Variants in FRMPD4 observed in about 807,000 individuals in gnomAD.
The protein encoded by FRMPD4 is FERM and PDZ domain containing 4.
In FRMPD4, 22 loss-of-function variants were observed where a neutral mutation model predicts 94.1. The observed-to-expected ratio is 0.23, with a 90% CI of 0.17 to 0.33. The LOEUF (loss-of-function observed/expected upper bound fraction) is 0.33, where lower values mean the gene tolerates loss of function less well. Ranked by LOEUF, FRMPD4 falls within the 10% of genes least tolerant of loss-of-function variation. FRMPD4 has a pLI of 1.00. For synonymous variants in FRMPD4, 631 were observed against 548.6 expected (o/e 1.15, Z -2.10); for missense variants, 1,111 against 1,339.9 (o/e 0.83, Z 2.67).
chrX:12,146,347 A>G (rs1183357711), intron 1 of FRMPD4, among the ~76,000 whole-genome samples: 2 of 105,229 alleles, frequency 1.9e-5, no homozygotes, highest in East Asian at 6.7e-4. Context: ...CCTGGGCAAC[A>G]GAACGAGACT....
chrX:11,996,704 G>A (rs913090900), intron 3 of FRMPD4, among the ~76,000 whole-genome samples: 1 of 111,859 alleles, frequency 8.9e-6, no homozygotes, highest in Non-Finnish European at 1.9e-5. Context: ...TTAATCATAG[G>A]TTATCAAGCA....
chrX:12,455,252 T>G (rs912827306), intron 1 of FRMPD4, among the ~76,000 whole-genome samples: 2 of 111,766 alleles, frequency 1.8e-5, no homozygotes, highest in South Asian at 7.5e-4. Context: ...CTGACAGGGT[T>G]AGACACGTTT....
rs190846886 is a variant in FRMPD4 at position 12,698,700 on chromosome X, C to T, written c.934-3174C>T. Among the ~76,000 whole-genome samples the T allele has an allele frequency of 2.6e-3, 288 of 110,632 alleles. 2 individuals are homozygous for T. Among genetic ancestry groups the T allele is most frequent in the African/African-American group, 8.9e-3 (270 of 30,369 alleles). On this transcript the variant is annotated intron_variant, in intron 9 of 16. Coordinates refer to ENST00000675598, the MANE Select transcript of FRMPD4 (RefSeq NM_001368397.1). Reference sequence around the variant, plus strand: ...CTAATTATATCATGTAATTAATCACCTTGTCAAAAAATTCATCCAGAAGCC... The same window carrying T: ...CTAATTATATCATGTAATTAATCACTTTGTCAAAAAATTCATCCAGAAGCC...
At chrX:12,159,794 T>G (rs771919648) in intron 1 of FRMPD4, among the ~76,000 whole-genome samples, 4 of 112,016 alleles carry the variant, frequency 3.6e-5, no homozygotes, top group Non-Finnish European at 7.5e-5. Flanking sequence ...GTGACACATG[T>G]TTAAAAGATA....
chrX:12,258,925 G>A (rs2054152182), intron 1 of FRMPD4, among the ~76,000 whole-genome samples: 1 of 111,263 alleles, frequency 9.0e-6, no homozygotes, highest in African/African-American at 3.3e-5. Flanking sequence ...CTATCTAAGT[G>A]TATTTTTATA....
At chrX:12,079,715 G>A (rs1466933582) in intron 3 of FRMPD4, among the ~76,000 whole-genome samples, 1 of 112,048 alleles carries the variant, frequency 8.9e-6, no homozygotes, top group East Asian at 2.8e-4. Context: ...GGTCCTGCCA[G>A]TGCTATACTC....
intron 1 of FRMPD4, among the ~76,000 whole-genome samples, chrX:12,348,489 A>C (rs2055749596): frequency 9.1e-6 from 1 of 109,603 alleles, no homozygotes; most frequent in East Asian, 2.9e-4. Context: ...AATACACAGG[A>C]GGACCCAGGT....
chrX:12,151,621 T>C (rs2055852504), intron 1 of FRMPD4, among the ~76,000 whole-genome samples: 2 of 112,241 alleles, frequency 1.8e-5, no homozygotes, highest in Admixed American at 1.9e-4. Flanking sequence ...TGAAATTCTA[T>C]CAGCAATGAG....
chrX:12,479,413 T>TACATATATACACATATATAC (rs1248062688), intron 1 of FRMPD4, among the ~76,000 whole-genome samples: 5 of 69,391 alleles, frequency 7.2e-5, no homozygotes, highest in Non-Finnish European at 1.5e-4. Context: ...CACATATATA[T>TACATATATACACATATATAC]ACATATATAC....
chrX:12,330,024 G>A (rs777711358), intron 1 of FRMPD4, among the ~76,000 whole-genome samples: 1 of 111,376 alleles, frequency 9.0e-6, no homozygotes, highest in African/African-American at 3.3e-5. Context: ...TTTGTAAAAT[G>A]AGGATAATTA....
chrX:12,331,139 A>G (rs2055365215), intron 1 of FRMPD4, among the ~76,000 whole-genome samples: 1 of 110,448 alleles, frequency 9.1e-6, no homozygotes, highest in Admixed American at 9.7e-5. Flanking sequence ...TTGGCCCTCA[A>G]GCTACAGTTT....
At chrX:11,916,911 A>C (rs144996809) in intron 3 of FRMPD4, among the ~76,000 whole-genome samples, 1,522 of 110,969 alleles carry the variant, frequency 0.014, 10 homozygotes, top group Middle Eastern at 0.042. Context: ...AGCCTCCCTC[A>C]CACATAAGGC....
chrX:12,578,327 A>T (rs1159299038), intron 2 of FRMPD4, among the ~76,000 whole-genome samples: 1 of 112,218 alleles, frequency 8.9e-6, no homozygotes, highest in Non-Finnish European at 1.9e-5. Context: ...ATCAGATTGC[A>T]GTGAGATCTT....
At chrX:12,111,744 C>A (rs1463951651) in intron 3 of FRMPD4, among the ~76,000 whole-genome samples, 2 of 111,567 alleles carry the variant, frequency 1.8e-5, no homozygotes, top group African/African-American at 3.3e-5. Context: ...ACCCCATCAA[C>A]AAGTGGGCGA....
At chrX:12,379,896 A>C (rs1211597953) in intron 1 of FRMPD4, among the ~76,000 whole-genome samples, 1 of 111,334 alleles carries the variant, frequency 9.0e-6, no homozygotes, top group African/African-American at 3.3e-5. Context: ...ATGAGTGTAG[A>C]TTGACACGTA....
At chrX:11,900,825 G>A (rs1277510979) in intron 3 of FRMPD4, among the ~76,000 whole-genome samples, 1 of 110,923 alleles carries the variant, frequency 9.0e-6, no homozygotes, top group African/African-American at 3.3e-5. Context: ...GAGAAAGGGG[G>A]TTTCTTTAAC....
At chrX:12,475,973 C>T (rs1025932091) in intron 1 of FRMPD4, among the ~76,000 whole-genome samples, 3 of 111,549 alleles carry the variant, frequency 2.7e-5, no homozygotes, top group Non-Finnish European at 5.7e-5. Context: ...CTTTAAAGTT[C>T]GTATGGAACC....
At chrX:12,638,070 G>A (rs1021182272) in intron 4 of FRMPD4, among the ~76,000 whole-genome samples, 2 of 111,427 alleles carry the variant, frequency 1.8e-5, no homozygotes, top group Admixed American at 1.9e-4. Flanking sequence ...TTTAACGTGA[G>A]CACATACTCT....
At chrX:12,383,204 TAGTC>T (rs2056351199) in intron 1 of FRMPD4, among the ~76,000 whole-genome samples, 2 of 112,614 alleles carry the variant, frequency 1.8e-5, no homozygotes, top group Non-Finnish European at 1.9e-5. Flanking sequence ...TAAAATGTTA[TAGTC>T]AGACTCACTT....
Sources: allele counts gnomAD v4.1 joint callset (sites outside exome capture counted in the v4.1 genomes callset), GRCh38; gene constraint gnomAD v4.1.1; transcripts MANE v1.5; gene names NCBI Gene and HGNC (gene_info 2026-07-23, HGNC 2026-07-21).